KIAA1217: variants seen among roughly 807,000 people sequenced by gnomAD.
KIAA1217 encodes sickle tail protein homolog.
A neutral mutation model predicts 163.9 loss-of-function variants in KIAA1217; 88 were observed. That is an observed-to-expected ratio of 0.54 (90% CI 0.45 to 0.64). The LOEUF is 0.64. Among genes scored for constraint, KIAA1217 ranks in the 30% least tolerant of loss-of-function variants. The pLI is 0.00. For synonymous variants in KIAA1217, 903 were observed against 923.1 expected, an observed-to-expected ratio of 0.98 and a Z score of 0.39; for missense variants, 2,372 against 2,475.0, an observed-to-expected ratio of 0.96 and a Z score of 0.88.
At chr10:23,839,569 G>A (rs900000989) in intron 1 of KIAA1217, among the ~76,000 whole-genome samples, 41 of 152,100 alleles carry the variant, frequency 2.7e-4, no homozygotes, top group African/African-American at 9.9e-4. Context: ...TCCTGAGGCT[G>A]GTGGTCATTT....
intron 2 of KIAA1217, among the ~76,000 whole-genome samples, chr10:24,171,122 C>G (rs559836215): frequency 2.6e-5 from 4 of 152,340 alleles, no homozygotes; most frequent in Non-Finnish European, 4.4e-5. Context: ...TTCATTCACT[C>G]AAAGACATAA....
intron 6 of KIAA1217, chr10:24,481,611 G>C (rs559284941): frequency 1.3e-5 from 2 of 152,266 alleles, no homozygotes; most frequent in East Asian, 3.9e-4. Context: ...GGTTAAAGAG[G>C]CTTCCATGGG....
intron 2 of KIAA1217, among the ~76,000 whole-genome samples, chr10:24,269,606 A>T (rs2076582331): frequency 6.6e-6 from 1 of 152,196 alleles, no homozygotes; most frequent in African/African-American, 2.4e-5. Flanking sequence ...CTAATACTTG[A>T]ATCCAAGCAC....
intron 2 of KIAA1217, among the ~76,000 whole-genome samples, chr10:24,127,518 G>A (rs1408762323): frequency 6.6e-6 from 1 of 152,170 alleles, no homozygotes; most frequent in African/African-American, 2.4e-5. Context: ...CTTGAGACAT[G>A]TTCCTGACAA....
intron 2 of KIAA1217, among the ~76,000 whole-genome samples, chr10:24,184,232 G>A (rs1229815471): frequency 1.3e-5 from 2 of 152,186 alleles, no homozygotes; most frequent in Non-Finnish European, 2.9e-5. Context: ...TTTTTCATTT[G>A]TGGGACTTGA....
rs1242882275 is a variant in KIAA1217, at chr10:24,284,474, T to C, written c.354+64565T>C. Among the ~76,000 whole-genome samples the C allele has an allele frequency of 2.6e-5, 4 of 152,300 alleles. No individual in the cohort carries two copies. The East Asian group carries it at 7.7e-4, about 29-fold the overall frequency. On this transcript the variant is annotated intron_variant, in intron 2 of 20. Transcript: ENST00000376454. ...GCTCCTACTTACAAGTAAGAACATA[T>C]GATATCTGATTTTATTTCTGTGCTA...
rs146420504 is a variant in KIAA1217, at chr10:24,011,035, C to A, written c.-171+3661C>A. On this transcript the variant is annotated intron_variant, in intron 2 of 18. Coordinates refer to the KIAA1217 transcript ENST00000376462. ...ATGATTGGTAATAAACTTCAGTCTG[C>A]AGTTGAGACATGACTTTTAGCAGAC... Among the ~76,000 whole-genome samples the A allele has an allele frequency of 3.3e-3, 496 of 152,294 alleles. 3 individuals carry two copies. Among genetic ancestry groups the A allele is most frequent in the African/African-American group, 0.012 (480 of 41,568 alleles).
intron 1 of KIAA1217, among the ~76,000 whole-genome samples, chr10:23,839,632 A>G (rs1317968724): frequency 6.6e-6 from 1 of 152,082 alleles, no homozygotes; most frequent in African/African-American, 2.4e-5. Flanking sequence ...CTCTCCTGTC[A>G]TCTCTCTGTG....
intron 1 of KIAA1217, among the ~76,000 whole-genome samples, chr10:23,909,060 G>A (rs1842309407): frequency 6.6e-6 from 1 of 152,170 alleles, no homozygotes; most frequent in South Asian, 2.1e-4. Context: ...CAGCAACCTG[G>A]CTGAGACTGG....
chr10:23,864,679 A>G (rs1333011942), intron 1 of KIAA1217, among the ~76,000 whole-genome samples: 1 of 152,090 alleles, frequency 6.6e-6, no homozygotes, highest in African/African-American at 2.4e-5. Flanking sequence ...TGGAAATATT[A>G]TATGCATGTA....
At chr10:23,877,144 T>C (rs151161254) in intron 1 of KIAA1217, among the ~76,000 whole-genome samples, 1 of 152,096 alleles carries the variant, frequency 6.6e-6, no homozygotes, top group African/African-American at 2.4e-5. Context: ...GGCTAATGAA[T>C]GGATTGCTTG....
intron 2 of KIAA1217, among the ~76,000 whole-genome samples, chr10:24,229,242 T>G (rs2071028658): frequency 6.6e-6 from 1 of 152,206 alleles, no homozygotes. Flanking sequence ...AGTCGCAGCC[T>G]TTGGCCACAG....
intron 2 of KIAA1217, among the ~76,000 whole-genome samples, chr10:24,235,490 A>G (rs577439656): frequency 2.0e-5 from 3 of 152,334 alleles, no homozygotes; most frequent in South Asian, 2.1e-4. Flanking sequence ...TACGAAATGT[A>G]TATGTGTTGT....
intron 2 of KIAA1217, among the ~76,000 whole-genome samples, chr10:24,120,364 A>AAAAT (rs2063234252): frequency 2.0e-5 from 3 of 152,194 alleles, no homozygotes; most frequent in Admixed American, 2.0e-4. Flanking sequence ...GGGGAATCTG[A>AAAAT]GAACAGTGAA....
intron 1 of KIAA1217, among the ~76,000 whole-genome samples, chr10:23,900,249 G>A (rs141483145): frequency 5.9e-5 from 9 of 151,936 alleles, no homozygotes; most frequent in East Asian, 5.8e-4. Context: ...AAGGTGACCC[G>A]CCCACCTCAG....
At chr10:24,047,693 C>T (rs1849139511) in intron 2 of KIAA1217, among the ~76,000 whole-genome samples, 1 of 152,190 alleles carries the variant, frequency 6.6e-6, no homozygotes, top group Non-Finnish European at 1.5e-5. Flanking sequence ...ATCTCCTTTT[C>T]TATAGCACAT....
intron 2 of KIAA1217, among the ~76,000 whole-genome samples, chr10:24,289,673 G>A (rs1416100122): frequency 6.6e-6 from 1 of 152,164 alleles, no homozygotes; most frequent in Non-Finnish European, 1.5e-5. Context: ...CGTGTGGGAA[G>A]GAGAGGGGAA....
At chr10:23,699,974 G>A (rs967939279) in intron 1 of KIAA1217, among the ~76,000 whole-genome samples, 1 of 152,214 alleles carries the variant, frequency 6.6e-6, no homozygotes, top group African/African-American at 2.4e-5. Context: ...GAATAAAGGA[G>A]TAAATGAATA....
At chr10:23,850,425 C>A (rs941374440) in intron 1 of KIAA1217, among the ~76,000 whole-genome samples, 8 of 152,056 alleles carry the variant, frequency 5.3e-5, no homozygotes, top group African/African-American at 1.9e-4. Context: ...TGCCAGCTGA[C>A]AATTTCCACT....
Sources: gnomAD v4.1 joint callset for allele counts (sites outside exome capture counted in the v4.1 genomes callset) on GRCh38, gnomAD v4.1.1 for gene constraint, MANE v1.5 for transcripts, NCBI Gene and HGNC (gene_info 2026-07-23, HGNC 2026-07-21) for gene names.